Variants in SCFD2 observed in about 807,000 individuals in gnomAD.
The protein encoded by SCFD2 is sec1 family domain containing 2, also known as sec1 family domain-containing protein 2.
Under a neutral mutation model 58.9 loss-of-function variants are expected in SCFD2, and 54 were observed. That is an observed-to-expected ratio of 0.92 (90% confidence interval 0.74 to 1.15). The LOEUF (loss-of-function observed/expected upper bound fraction) is 1.15. Among genes scored for constraint, SCFD2 ranks in the 50% most tolerant of loss-of-function variants. The pLI is 0.00. For synonymous variants in SCFD2, 321 were observed against 335.9 expected (o/e 0.96, Z 0.49); for missense variants, 805 against 836.6 (o/e 0.96, Z 0.47).
At chr4:53,188,218 A>C (rs1490382134) in intron 4 of SCFD2, among the ~76,000 whole-genome samples, 1 of 152,186 alleles carries the variant, frequency 6.6e-6, no homozygotes, top group Non-Finnish European at 1.5e-5. Context: ...AACATTAATT[A>C]TGGAAGATTT....
At position 53,054,161 on chromosome 4, in the gene SCFD2, C is replaced by T. The variant is rs78454875; in HGVS notation, c.1561+91172G>A. Among the ~76,000 whole-genome samples, 832 of 152,220 alleles carry T rather than the reference C, an allele frequency of 5.5e-3. 9 individuals are homozygous for T. The highest frequency in any genetic ancestry group is 8.0e-3 in the Non-Finnish European group (546 of 68,004). ...TCTTCATGAGATCCACATAAGCTCCCATGTATAAGTGATAACATGTACTAT... is the reference window on the plus strand; with the variant it reads ...TCTTCATGAGATCCACATAAGCTCCTATGTATAAGTGATAACATGTACTAT... On this transcript the variant is annotated intron_variant, in intron 5 of 8. Coordinates refer to ENST00000401642, the MANE Select transcript of SCFD2 (RefSeq NM_152540.4).
intron 4 of SCFD2, among the ~76,000 whole-genome samples, chr4:53,198,255 A>G (rs191077800): frequency 2.2e-4 from 33 of 152,188 alleles, no homozygotes; most frequent in Admixed American, 2.0e-3. Context: ...CAAACCTCCT[A>G]TCATCTTAGG....
chr4:53,336,794 C>A (rs1248459473), intron 2 of SCFD2, among the ~76,000 whole-genome samples: 1 of 152,134 alleles, frequency 6.6e-6, no homozygotes, highest in Non-Finnish European at 1.5e-5. Flanking sequence ...GAATTACAGG[C>A]ATGAACCACT....
At chr4:53,360,814 C>G (rs1425782349) in intron 1 of SCFD2, among the ~76,000 whole-genome samples, 3 of 152,212 alleles carry the variant, frequency 2.0e-5, no homozygotes, top group Non-Finnish European at 4.4e-5. Context: ...GGGGTTCAAT[C>G]TCATTGCTTT....
Position 53,126,377 on chromosome 4 carries a change from G to A in SCFD2, c.1561+18956C>T, listed in dbSNP as rs2001880. Among the ~76,000 whole-genome samples, 848 of 152,278 alleles carry A rather than the reference G, an allele frequency of 5.6e-3. 1 individual carries two copies. The highest frequency in any genetic ancestry group is 9.2e-3 in the Non-Finnish European group (627 of 68,020). On this transcript the variant is annotated intron_variant, in intron 5 of 8. Transcript: ENST00000401642. Reference sequence around the variant, plus strand: ...TCTTGCTCTCTGGAAGTGCAGTGGCGTGATCTCGGCTCACTGCAAACTCCG... The same window carrying A: ...TCTTGCTCTCTGGAAGTGCAGTGGCATGATCTCGGCTCACTGCAAACTCCG...
At chr4:53,334,625 T>C (rs1159964950) in intron 2 of SCFD2, among the ~76,000 whole-genome samples, 3 of 150,702 alleles carry the variant, frequency 2.0e-5, no homozygotes, top group African/African-American at 7.3e-5. Flanking sequence ...GGGGGAGGGA[T>C]AGCATTGGGA....
intron 5 of SCFD2, among the ~76,000 whole-genome samples, chr4:53,112,961 A>C (rs531024928): frequency 6.6e-6 from 1 of 152,212 alleles, no homozygotes; most frequent in African/African-American, 2.4e-5. Flanking sequence ...TATAAATATT[A>C]TCATGATTCC....
At chr4:53,098,895 G>A (rs571923231) in intron 5 of SCFD2, among the ~76,000 whole-genome samples, 1 of 152,008 alleles carries the variant, frequency 6.6e-6, no homozygotes, top group South Asian at 2.1e-4. Context: ...AATATTATTT[G>A]TTTCCATAGA....
intron 5 of SCFD2, among the ~76,000 whole-genome samples, chr4:52,972,227 G>A (rs1259284391): frequency 1.3e-5 from 2 of 152,140 alleles, no homozygotes; most frequent in Non-Finnish European, 2.9e-5. Context: ...CTGGCAAATC[G>A]GATAAAGAGT....
At chr4:52,929,039 T>C (rs1719927990) in intron 5 of SCFD2, among the ~76,000 whole-genome samples, 1 of 152,226 alleles carries the variant, frequency 6.6e-6, no homozygotes, top group Non-Finnish European at 1.5e-5. Flanking sequence ...GTGGATAAAC[T>C]TCCAAAAAGG....
chr4:53,094,001 C>A (rs546886636), intron 5 of SCFD2, among the ~76,000 whole-genome samples: 79 of 152,060 alleles, frequency 5.2e-4, no homozygotes, highest in Middle Eastern at 6.8e-3. Context: ...TATTTATATA[C>A]CTTAGTTAGG....
Position 53,332,886 on chromosome 4 carries a change from C to T in SCFD2, c.1008-19123G>A, listed in dbSNP as rs535396488. Among the ~76,000 whole-genome samples, 154 of 151,284 alleles carry T rather than the reference C, an allele frequency of 1.0e-3. 1 individual carries two copies. Among genetic ancestry groups the T allele is most frequent in the African/African-American group, 3.5e-3 (146 of 41,186 alleles). On this transcript the variant is annotated intron_variant, in intron 2 of 8. Coordinates refer to ENST00000401642, the MANE Select transcript of SCFD2 (RefSeq NM_152540.4). ...CCCAAAATCTCCTTAAGCTGATAAG[C>T]AACTTCAGCAAAGTCTCGGGATACA...
At chr4:53,335,716 A>C (rs1227659687) in intron 2 of SCFD2, among the ~76,000 whole-genome samples, 1 of 152,122 alleles carries the variant, frequency 6.6e-6, no homozygotes, top group Non-Finnish European at 1.5e-5. Flanking sequence ...ATTATTAATA[A>C]ATTTTTTATA....
At chr4:53,152,916 C>A (rs1726554897) in intron 4 of SCFD2, among the ~76,000 whole-genome samples, 1 of 152,202 alleles carries the variant, frequency 6.6e-6, no homozygotes, top group African/African-American at 2.4e-5. Flanking sequence ...AAAAAAAAAT[C>A]TTTGACTCTA....
At position 53,352,682 on chromosome 4, in the gene SCFD2, A is replaced by G. The variant is rs146010707; in HGVS notation, c.923T>C (p.Met308Thr). The G allele has an allele frequency of 1.4e-5, 23 of 1,613,930 alleles. No homozygotes were observed. Among genetic ancestry groups the G allele is most frequent in the Non-Finnish European group, 1.9e-5 (22 of 1,179,932 alleles). Reference protein sequence around the residue: ...PQLPGHTNDVMVNMIALTALH... With the variant: ...PQLPGHTNDVTVNMIALTALH... ...TGCAGTGAGCGCTATCATGTTAACC[A>G]TCACATCATTTGTGTGGCCTGGGAG... Residue 308 changes from methionine to threonine, a missense_variant, in exon 2 of 9, where the codon ATG becomes ACG. Met to Thr is a moderately conservative substitution (Grantham distance 81). Coordinates refer to ENST00000401642, the MANE Select transcript of SCFD2 (RefSeq NM_152540.4).
At chr4:53,234,885 G>A (rs758325319) in intron 4 of SCFD2, among the ~76,000 whole-genome samples, 10 of 152,234 alleles carry the variant, frequency 6.6e-5, no homozygotes, top group Non-Finnish European at 1.5e-4. Flanking sequence ...CCTTAAGCAA[G>A]ATAGGAATGT....
At chr4:53,363,561 C>T (rs1426010665) in intron 1 of SCFD2, among the ~76,000 whole-genome samples, 2 of 151,546 alleles carry the variant, frequency 1.3e-5, no homozygotes, top group African/African-American at 4.8e-5. Flanking sequence ...AAAAAGGGCG[C>T]GGTGGCTCAC....
chr4:53,259,864 C>G (rs1415797317), intron 4 of SCFD2, among the ~76,000 whole-genome samples: 2 of 152,012 alleles, frequency 1.3e-5, no homozygotes, highest in Non-Finnish European at 2.9e-5. Flanking sequence ...GGATGTCTTT[C>G]CATTTGTTTG....
intron 5 of SCFD2, among the ~76,000 whole-genome samples, chr4:53,096,986 T>G (rs527881859): frequency 1.5e-4 from 23 of 152,268 alleles, no homozygotes; most frequent in East Asian, 7.7e-4. Flanking sequence ...TTTCCTCATT[T>G]CTTGTTTTTG....
Sources: gnomAD v4.1 joint callset for allele counts (sites outside exome capture counted in the v4.1 genomes callset) on GRCh38, gnomAD v4.1.1 for gene constraint, MANE v1.5 for transcripts, NCBI Gene and HGNC (gene_info 2026-07-23, HGNC 2026-07-21) for gene names.